Variants in SAMTOR observed in about 807,000 individuals in gnomAD.
SAMTOR encodes UPF0532 protein C7orf60.
the SAMTOR span, among the ~76,000 whole-genome samples, chr7:112,852,420 G>C: frequency 6.6e-6 from 1 of 152,102 alleles, no homozygotes; most frequent in Non-Finnish European, 1.5e-5. Context: ...CATTGACATT[G>C]TTTGTCAATG....
At chr7:112,903,280 C>G in the SAMTOR span, among the ~76,000 whole-genome samples, 1 of 151,378 alleles carries the variant, frequency 6.6e-6, no homozygotes, top group Non-Finnish European at 1.5e-5. Flanking sequence ...TCACTGCACT[C>G]CAGCCTGGGT....
the SAMTOR span, among the ~76,000 whole-genome samples, chr7:112,929,776 G>A: frequency 6.6e-6 from 1 of 152,054 alleles, no homozygotes; most frequent in Non-Finnish European, 1.5e-5. Flanking sequence ...TGATGAAAAT[G>A]TTCTACGCCT....
the SAMTOR span, among the ~76,000 whole-genome samples, chr7:112,839,345 T>C: frequency 1.3e-5 from 2 of 151,996 alleles, no homozygotes; most frequent in East Asian, 3.9e-4. Flanking sequence ...AAGATAGAAA[T>C]TAATCACCAT....
At chr7:112,929,605 A>G in the SAMTOR span, among the ~76,000 whole-genome samples, 1 of 152,130 alleles carries the variant, frequency 6.6e-6, no homozygotes. Context: ...AAATGAAATC[A>G]GTATGTCAAA....
chr7:112,894,986 T>G, the SAMTOR span, among the ~76,000 whole-genome samples: 15 of 152,310 alleles, frequency 9.8e-5, no homozygotes, highest in Middle Eastern at 3.4e-3. Flanking sequence ...AGTCATGTAC[T>G]TATAAAATTT....
chr7:112,881,626 G>A, the SAMTOR span, among the ~76,000 whole-genome samples: 1 of 152,136 alleles, frequency 6.6e-6, no homozygotes, highest in Non-Finnish European at 1.5e-5. Context: ...CCCCTCCATG[G>A]AGGGTTACAC....
At chr7:112,901,680 T>A in the SAMTOR span, among the ~76,000 whole-genome samples, 1 of 152,188 alleles carries the variant, frequency 6.6e-6, no homozygotes, top group African/African-American at 2.4e-5. Context: ...AATGAAGAAC[T>A]GTTATCTAAA....
At chr7:112,852,388 G>T in the SAMTOR span, among the ~76,000 whole-genome samples, 4 of 151,990 alleles carry the variant, frequency 2.6e-5, no homozygotes, top group Non-Finnish European at 4.4e-5. Flanking sequence ...CTGTAAGTGG[G>T]AGCTAAGCAA....
At chr7:112,855,195 GGAAAT>G in the SAMTOR span, among the ~76,000 whole-genome samples, 1 of 152,140 alleles carries the variant, frequency 6.6e-6, no homozygotes, top group East Asian at 1.9e-4. Context: ...TAATATAGAA[GGAAAT>G]GGCAGTTTGG....
the SAMTOR span, among the ~76,000 whole-genome samples, chr7:112,863,346 G>A: frequency 1.3e-5 from 2 of 152,036 alleles, no homozygotes; most frequent in East Asian, 1.9e-4. Flanking sequence ...AGACAACCTC[G>A]GCAATACCAT....
At chr7:112,884,863 T>C in the SAMTOR span, among the ~76,000 whole-genome samples, 1 of 152,328 alleles carries the variant, frequency 6.6e-6, no homozygotes, top group African/African-American at 2.4e-5. Flanking sequence ...CAAGACCACA[T>C]TTCCCTTCCA....
At chr7:112,884,124 C>T in the SAMTOR span, among the ~76,000 whole-genome samples, 4 of 152,224 alleles carry the variant, frequency 2.6e-5, no homozygotes, top group Non-Finnish European at 4.4e-5. Flanking sequence ...ACTCACTATC[C>T]TGAGAACAGC....
At chr7:112,866,680 T>C in the SAMTOR span, among the ~76,000 whole-genome samples, 1 of 152,214 alleles carries the variant, frequency 6.6e-6, no homozygotes. Flanking sequence ...TGTACCTCTT[T>C]AAATAGCAGC....
chr7:112,858,495 T>TG, the SAMTOR span, among the ~76,000 whole-genome samples: 1,620 of 152,248 alleles, frequency 0.011, 30 homozygotes, highest in African/African-American at 0.037. Flanking sequence ...ATTTTTTAAA[T>TG]TCTATAATTT....
chr7:112,890,225 A>C, the SAMTOR span, among the ~76,000 whole-genome samples: 1 of 152,152 alleles, frequency 6.6e-6, no homozygotes, highest in South Asian at 2.1e-4. Context: ...CTCCCCAATC[A>C]AGACGCACTC....
the SAMTOR span, among the ~76,000 whole-genome samples, chr7:112,916,912 G>C: frequency 1.3e-5 from 2 of 152,208 alleles, no homozygotes; most frequent in African/African-American, 4.8e-5. Context: ...CCATTGCCCA[G>C]GCTTGCTTAG....
At chr7:112,939,712 C>A in the SAMTOR span, 5 of 1,609,466 alleles carry the variant, frequency 3.1e-6, no homozygotes, top group African/African-American at 5.3e-5. Flanking sequence ...CGGCCCTCTG[C>A]GCACGAGCAG....
chr7:112,933,242 G>A, the SAMTOR span, among the ~76,000 whole-genome samples: 53 of 152,212 alleles, frequency 3.5e-4, no homozygotes, highest in Non-Finnish European at 6.0e-4. Context: ...CCACTTAATC[G>A]TCAAATGTGA....
the SAMTOR span, among the ~76,000 whole-genome samples, chr7:112,871,303 A>G: frequency 6.6e-6 from 1 of 152,206 alleles, no homozygotes; most frequent in East Asian, 1.9e-4. Context: ...TAAAAAGGTC[A>G]AAGTCATATC....
Sources: gnomAD v4.1 joint callset for allele counts (sites outside exome capture counted in the v4.1 genomes callset) on GRCh38, gnomAD v4.1.1 for gene constraint, MANE v1.5 for transcripts, NCBI Gene and HGNC (gene_info 2026-07-23, HGNC 2026-07-21) for gene names.